Variants in ZNRF3 observed in about 807,000 individuals in gnomAD.
ZNRF3 encodes the protein zinc and ring finger 3, also known as E3 ubiquitin-protein ligase ZNRF3.
Under a neutral mutation model 72.5 loss-of-function variants are expected in ZNRF3, and 23 were observed. The ratio of observed to expected loss-of-function variants is 0.32; its 90% CI spans 0.23 to 0.45. The LOEUF (loss-of-function observed/expected upper bound fraction) is 0.45. Among genes scored for constraint, ZNRF3 ranks in the 20% least tolerant of loss-of-function variants. The pLI, the probability that ZNRF3 is intolerant of heterozygous loss-of-function variation, is 1.00. For synonymous variants in ZNRF3, 610 were observed against 545.3 expected, an observed-to-expected ratio of 1.12 and a Z score of -1.65; for missense variants, 1,169 against 1,272.1, an observed-to-expected ratio of 0.92 and a Z score of 1.23.
At chr22:28,886,256 T>G (rs1372211282) in intron 1 of ZNRF3, among the ~76,000 whole-genome samples, 1 of 152,246 alleles carries the variant, frequency 6.6e-6, no homozygotes, top group Non-Finnish European at 1.5e-5. Flanking sequence ...GTGGACCTTG[T>G]CTGGCAGCCC....
At chr22:28,924,239 G>C (rs1006206912) in intron 1 of ZNRF3, among the ~76,000 whole-genome samples, 2 of 152,226 alleles carry the variant, frequency 1.3e-5, no homozygotes, top group African/African-American at 4.8e-5. Context: ...CCATGGTAGG[G>C]CAGGAATGCT....
chr22:29,051,073 A>T, intron 8 of ZNRF3, 125 bp downstream of exon 8: 1 of 1,105,580 alleles, frequency 9.0e-7, no homozygotes, highest in Non-Finnish European at 1.2e-6. Context: ...TCTGAGGCTG[A>T]AGACTTCCAA....
At chr22:28,991,987 TA>T (rs575981502) in intron 2 of ZNRF3, among the ~76,000 whole-genome samples, 6,402 of 139,496 alleles carry the variant, frequency 0.046, 172 homozygotes, top group Non-Finnish European at 0.068. Flanking sequence ...CACAAAAGAA[TA>T]AAAAAAAAAA....
chr22:29,048,416 C>G lies in ZNRF3; in HGVS notation c.940C>G (p.Arg314Gly). Reference sequence around the variant, plus strand: ...GCTGCGGGTCATCCCCTGTACTCACCGGTTTCACAGGAAGTGCGTGGACCC... The same window carrying G: ...GCTGCGGGTCATCCCCTGTACTCACGGGTTTCACAGGAAGTGCGTGGACCC... ...EELRVIPCTH[R>G]FHRKCVDPWL... Residue 314 changes from arginine to glycine, a missense_variant, in exon 7 of 9, where the codon CGG (arginine) becomes GGG (glycine). Transcript: ENST00000544604. The surrounding 1 kb of genome is among the most constrained non-coding windows in gnomAD (Gnocchi z 4.9). The G allele has an allele frequency of 6.2e-7, 1 of 1,614,182 alleles. No homozygotes were observed. The highest frequency in any genetic ancestry group is 1.7e-5 in the Admixed American group (1 of 60,028).
At chr22:28,948,820 T>C (rs1194905385) in intron 1 of ZNRF3, among the ~76,000 whole-genome samples, 1 of 152,230 alleles carries the variant, frequency 6.6e-6, no homozygotes, top group Non-Finnish European at 1.5e-5. Flanking sequence ...TTGAAATCTA[T>C]TGGTCTCTGT....
chr22:28,893,308 GCAAA>G (rs1445561202), intron 1 of ZNRF3, among the ~76,000 whole-genome samples: 2 of 152,008 alleles, frequency 1.3e-5, no homozygotes, highest in Admixed American at 6.6e-5. Context: ...TATCTTGTCA[GCAAA>G]CATTTATTGA....
chr22:28,992,481 G>A (rs1356319940), intron 2 of ZNRF3, among the ~76,000 whole-genome samples: 1 of 151,972 alleles, frequency 6.6e-6, no homozygotes, highest in East Asian at 1.9e-4. Context: ...GGTAGGAGAC[G>A]CAGCCCCCCA....
At chr22:29,001,575 G>A (rs761740704) in intron 2 of ZNRF3, among the ~76,000 whole-genome samples, 16 of 149,734 alleles carry the variant, frequency 1.1e-4, no homozygotes, top group Non-Finnish European at 1.8e-4. Context: ...GTGTTCAAGC[G>A]ATTCTCCTGC....
intron 2 of ZNRF3, among the ~76,000 whole-genome samples, chr22:28,996,823 C>T (rs1038136549): frequency 9.2e-5 from 14 of 152,182 alleles, no homozygotes; most frequent in African/African-American, 2.7e-4. Flanking sequence ...TCAACCTTGA[C>T]GTAGAACAGG....
intron 1 of ZNRF3, among the ~76,000 whole-genome samples, chr22:28,885,240 A>T (rs1242716130): frequency 1.3e-5 from 2 of 152,110 alleles, no homozygotes; most frequent in Non-Finnish European, 2.9e-5. Context: ...TTCATAGGAC[A>T]GGGAGAGCTG....
intron 1 of ZNRF3, among the ~76,000 whole-genome samples, chr22:28,896,740 A>G (rs1039768033): frequency 6.6e-6 from 1 of 152,210 alleles, no homozygotes; most frequent in Non-Finnish European, 1.5e-5. Flanking sequence ...AATGGCATGT[A>G]AAGAATGTTG....
chr22:28,997,818 C>G (rs2123838792), intron 2 of ZNRF3, among the ~76,000 whole-genome samples: 1 of 151,792 alleles, frequency 6.6e-6, no homozygotes, highest in African/African-American at 2.4e-5. Context: ...CCAGCCTGGG[C>G]AACAAGCGAG....
chr22:29,050,090 C>T lies in ZNRF3; in HGVS notation c.1909C>T (p.His637Tyr). 1 of 1,608,242 alleles carries T rather than the reference C, an allele frequency of 6.2e-7. No individual in the cohort carries two copies. Among genetic ancestry groups the T allele is most frequent in the Non-Finnish European group, 8.5e-7 (1 of 1,178,920 alleles). Residue 637 changes from histidine (H) to tyrosine (Y), a missense_variant, in exon 8 of 9, where the codon CAC (histidine) becomes TAC (tyrosine). Around this residue, in one of 2 missense-constraint regions of ZNRF3, gnomAD observed 783 missense variants for 731.4 expected, o/e 1.07. Transcript: ENST00000544604. ...SPPPEELPAV[H>Y]SHGAGRGEPW... is the part of the protein sequence containing the mutation. Reference sequence around the variant, plus strand: ...GCCTCCCGAGGAGCTCCCGGCGGTGCACAGTCATGGTGCTGGGCGGGGCGA... The same window carrying T: ...GCCTCCCGAGGAGCTCCCGGCGGTGTACAGTCATGGTGCTGGGCGGGGCGA...
intron 2 of ZNRF3, chr22:29,018,346 G>T: frequency 1.0e-5 from 2 of 199,542 alleles, no homozygotes; most frequent in Admixed American, 5.5e-5. Flanking sequence ...AGAGGAGGAA[G>T]ATTTGGGTTT....
At chr22:28,970,552 T>C (rs963479005) in intron 1 of ZNRF3, among the ~76,000 whole-genome samples, 13 of 152,222 alleles carry the variant, frequency 8.5e-5, no homozygotes, top group African/African-American at 2.9e-4. Flanking sequence ...TACGCAAACC[T>C]ACTCAAATAT....
chr22:28,975,679 G>A (rs1230779696), intron 1 of ZNRF3, among the ~76,000 whole-genome samples: 2 of 152,086 alleles, frequency 1.3e-5, no homozygotes, highest in Non-Finnish European at 2.9e-5. Flanking sequence ...AGAGATTGCA[G>A]TGAGCTGAGA....
At chr22:28,923,816 C>T (rs549572391) in intron 1 of ZNRF3, among the ~76,000 whole-genome samples, 2 of 152,392 alleles carry the variant, frequency 1.3e-5, no homozygotes, top group African/African-American at 2.4e-5. Flanking sequence ...ACCCCACACT[C>T]CCTGAGAGAT....
chr22:28,956,357 T>A (rs1351737028), intron 1 of ZNRF3, among the ~76,000 whole-genome samples: 1 of 144,364 alleles, frequency 6.9e-6, no homozygotes, highest in African/African-American at 2.7e-5. Flanking sequence ...CATTTCCTTT[T>A]TTTTTTTTTT....
intron 2 of ZNRF3, among the ~76,000 whole-genome samples, chr22:29,029,539 G>T (rs2036706292): frequency 6.6e-6 from 1 of 152,328 alleles, no homozygotes; most frequent in Middle Eastern, 3.4e-3. Flanking sequence ...GGACAGTCAT[G>T]CCAGAGGCCG....
Sources: allele counts gnomAD v4.1 joint callset (sites outside exome capture counted in the v4.1 genomes callset), GRCh38; gene constraint gnomAD v4.1.1; regional missense constraint gnomAD v4.1.1; non-coding constraint Gnocchi (gnomAD v3.1); transcripts MANE v1.5; gene names NCBI Gene and HGNC (gene_info 2026-07-23, HGNC 2026-07-21).